Variants in CPN1 observed in about 807,000 individuals in gnomAD.
The protein encoded by CPN1 is carboxypeptidase N catalytic chain.
A neutral mutation model predicts 46.4 loss-of-function variants in CPN1; 37 were observed. That is an observed-to-expected ratio of 0.80 (90% confidence interval 0.61 to 1.05). The LOEUF is 1.05. Among genes scored for constraint, CPN1 ranks in the 50% least tolerant of loss-of-function variants. The pLI, the probability that CPN1 is intolerant of heterozygous loss-of-function variation, is 0.00. For synonymous variants in CPN1, 224 were observed against 235.4 expected (o/e 0.95, Z 0.44); for missense variants, 563 against 602.6 (o/e 0.93, Z 0.69).
Position 100,065,290 on chromosome 10 carries a change from C to T in CPN1, c.657G>A (p.Ala219=), listed in dbSNP as rs1433672801. 3.1e-6 allele frequency: 5 copies of T among 1,614,144 alleles called. No individual in the cohort carries two copies. The highest frequency in any genetic ancestry group is 2.2e-5 in the East Asian group (1 of 44,880). ...FVLSANLHGG[A]VVANYPYDKS... ...TGTCATACGGGTAATTGGCCACCAC[C>T]GCCCCTCCGTGGAGATTGGCTGAAA... Residue 219 remains alanine (A), a synonymous_variant, in exon 4 of 9, where the codon GCG becomes GCA. Coordinates refer to ENST00000370418, the MANE Select transcript of CPN1 (RefSeq NM_001308.3).
intron 7 of CPN1, among the ~76,000 whole-genome samples, chr10:100,053,562 T>C (rs1052391454): frequency 4.6e-5 from 7 of 151,572 alleles, no homozygotes; most frequent in Admixed American, 6.6e-5. Context: ...GAGGCAGAGG[T>C]TGCAGTGAGA....
At chr10:100,076,736 C>A (rs1188660031) in intron 1 of CPN1, among the ~76,000 whole-genome samples, 1 of 152,194 alleles carries the variant, frequency 6.6e-6, no homozygotes, top group Non-Finnish European at 1.5e-5. Flanking sequence ...AGTGGGCTGG[C>A]AGGGGTTTTC....
chr10:100,044,931 G>A (rs1163398379), intron 8 of CPN1, among the ~76,000 whole-genome samples: 6 of 152,006 alleles, frequency 3.9e-5, no homozygotes, highest in South Asian at 4.2e-4. Flanking sequence ...GGCTGGTCTC[G>A]AATTCCTGAC....
intron 1 of CPN1, among the ~76,000 whole-genome samples, chr10:100,081,095 A>G (rs1191472010): frequency 6.6e-6 from 1 of 152,074 alleles, no homozygotes; most frequent in African/African-American, 2.4e-5. Flanking sequence ...TAGTAAGGGG[A>G]AAAGAAAGGA....
intron 5 of CPN1, among the ~76,000 whole-genome samples, chr10:100,062,544 T>C (rs779568136): frequency 2.6e-5 from 4 of 152,188 alleles, no homozygotes; most frequent in Non-Finnish European, 5.9e-5. Context: ...AAATGCCTTA[T>C]GTGTATTATT....
At position 100,078,017 on chromosome 10, in the gene CPN1, TC is replaced by T. The variant is rs539843765; in HGVS notation, c.224-1911del. Among the ~76,000 whole-genome samples, 12 of 152,294 alleles carry T rather than the reference TC, an allele frequency of 7.9e-5. No homozygotes were observed. The South Asian group carries it at 2.1e-3, about 26-fold the overall frequency. On this transcript the variant is annotated intron_variant, in intron 1 of 8. Transcript: ENST00000370418. The stretch of plus-strand genomic sequence containing the variant: ...ACTTAGCAGATGCTTAATGGCAGAT[TC>T]TTTTGGCTCTCCTTTTTCTTTTTTC...
intron 5 of CPN1, among the ~76,000 whole-genome samples, chr10:100,061,723 A>G (rs2041419737): frequency 6.6e-6 from 1 of 152,220 alleles, no homozygotes; most frequent in South Asian, 2.1e-4. Flanking sequence ...AAAAAAGAAC[A>G]AGCATAATTT....
chr10:100,045,248 A>G (rs1234207550), intron 8 of CPN1, among the ~76,000 whole-genome samples: 1 of 152,188 alleles, frequency 6.6e-6, no homozygotes, highest in Non-Finnish European at 1.5e-5. Context: ...TGAGTGTGTT[A>G]CTCAAGAGGA....
At chr10:100,075,829 A>G (rs2041509996) in intron 2 of CPN1, 82 bp downstream of exon 2, 8 of 1,348,864 alleles carry the variant, frequency 5.9e-6, no homozygotes, top group Admixed American at 1.8e-5. Flanking sequence ...TTACAGTGGG[A>G]CAGAGAGGGA....
At chr10:100,053,549 C>T (rs2041367434) in intron 7 of CPN1, among the ~76,000 whole-genome samples, 1 of 151,296 alleles carries the variant, frequency 6.6e-6, no homozygotes, top group Non-Finnish European at 1.5e-5. Flanking sequence ...GGCTTGAGCT[C>T]AGGAGGCAGA....
Position 100,075,904 on chromosome 10 carries a change from C to T in CPN1, c.420+7G>A, listed in dbSNP as rs1348382493. 30 of 1,613,816 alleles carry T rather than the reference C, an allele frequency of 1.9e-5. No individual in the cohort carries two copies. The highest frequency in any genetic ancestry group is 1.7e-4 in the Middle Eastern group (1 of 5,784). ...TCTCTCCCCGGCATCTCCCTTGGAC[C>T]TCGTACCTGGGCAGCAGCCACCTCG... On this transcript the variant is annotated splice_region_variant and intron_variant, in intron 2 of 8. Transcript: ENST00000370418.
At chr10:100,065,527 G>T in intron 3 of CPN1, 157 bp from the exon 4 acceptor site, 1 of 752,878 alleles carries the variant, frequency 1.3e-6, no homozygotes, top group Non-Finnish European at 2.2e-6. Context: ...ATGGGGAAAT[G>T]TTGACCTTTG....
intron 5 of CPN1, among the ~76,000 whole-genome samples, chr10:100,062,537 T>A (rs1320717171): frequency 2.0e-5 from 3 of 152,188 alleles, no homozygotes; most frequent in African/African-American, 7.2e-5. Context: ...CATTTCCAAA[T>A]GCCTTATGTG....
chr10:100,065,086 T>C, intron 4 of CPN1, 102 bp downstream of exon 4: 3 of 1,391,920 alleles, frequency 2.2e-6, no homozygotes, highest in South Asian at 2.8e-5. Context: ...TTTTCAATTA[T>C]TTTCTGTGGC....
intron 7 of CPN1, among the ~76,000 whole-genome samples, chr10:100,050,641 T>C (rs1279234734): frequency 2.0e-5 from 3 of 152,178 alleles, no homozygotes; most frequent in Non-Finnish European, 2.9e-5. Flanking sequence ...ATCTCTTTTT[T>C]TGAGATAGGG....
chr10:100,044,246 C>G (rs1395626379), intron 8 of CPN1, among the ~76,000 whole-genome samples: 1 of 151,334 alleles, frequency 6.6e-6, no homozygotes, highest in Non-Finnish European at 1.5e-5. Flanking sequence ...GGAATCTAGA[C>G]AGAAAAAAAT....
chr10:100,043,108 AAG>A (rs2041287988), intron 8 of CPN1, among the ~76,000 whole-genome samples: 1 of 147,312 alleles, frequency 6.8e-6, no homozygotes. Flanking sequence ...AAAAAAAAAA[AAG>A]AAAAAAATTA....
Position 100,042,416 on chromosome 10 carries a change from C to T in CPN1, c.*11G>A, listed in dbSNP as rs373454437. On this transcript the variant is annotated 3_prime_UTR_variant, in exon 9 of 9. Transcript: ENST00000370418. ...AAAGCCTTTCTGAAGGGTTGCCTGG[C>T]ACTGTGGGTTTCAGGCAGGGCCTCT... The T allele has an allele frequency of 3.1e-6, 5 of 1,612,704 alleles. No homozygotes were observed. The highest frequency in any genetic ancestry group is 1.3e-5 in the African/African-American group (1 of 74,972).
At chr10:100,070,573 T>G (rs1015001971) in intron 2 of CPN1, among the ~76,000 whole-genome samples, 4 of 152,152 alleles carry the variant, frequency 2.6e-5, no homozygotes, top group Non-Finnish European at 1.5e-5. Flanking sequence ...TGTATAGTTC[T>G]TAGATATTAG....
Sources: gnomAD v4.1 joint callset for allele counts (sites outside exome capture counted in the v4.1 genomes callset) on GRCh38, gnomAD v4.1.1 for gene constraint, MANE v1.5 for transcripts, NCBI Gene and HGNC (gene_info 2026-07-23, HGNC 2026-07-21) for gene names.